Variants in AP3B1 observed in about 807,000 individuals in gnomAD.
AP3B1 encodes adaptor related protein complex 3 subunit beta 1, also known as AP-3 complex subunit beta-1.
In AP3B1, 61 loss-of-function variants were observed where a neutral mutation model predicts 132.5. The ratio of observed to expected loss-of-function variants is 0.46; its 90% CI spans 0.37 to 0.57. The LOEUF (loss-of-function observed/expected upper bound fraction) is 0.57, where lower values mean the gene tolerates loss of function less well. Among genes scored for constraint, AP3B1 ranks in the 20% least tolerant of loss-of-function variants. The pLI, the probability that AP3B1 is intolerant of heterozygous loss-of-function variation, is 0.00. For missense variants in AP3B1, 1,120 were observed against 1,289.4 expected, an observed-to-expected ratio of 0.87 and a Z score of 2.01; for synonymous variants, 388 against 438.3, an observed-to-expected ratio of 0.89 and a Z score of 1.43.
intron 2 of AP3B1, among the ~76,000 whole-genome samples, chr5:78,249,764 C>T (rs1747552660): frequency 6.6e-6 from 1 of 151,704 alleles, no homozygotes; most frequent in South Asian, 2.1e-4. Flanking sequence ...TTTGGTATTT[C>T]TGTAGAGACA....
At chr5:78,191,890 C>T (rs1203571292) in intron 7 of AP3B1, among the ~76,000 whole-genome samples, 1 of 152,000 alleles carries the variant, frequency 6.6e-6, no homozygotes, top group Admixed American at 6.6e-5. Flanking sequence ...GTATATGTTT[C>T]GCTCTTATTG....
At chr5:78,189,918 T>C (rs903902062) in intron 7 of AP3B1, among the ~76,000 whole-genome samples, 2 of 141,412 alleles carry the variant, frequency 1.4e-5, no homozygotes, top group Non-Finnish European at 3.1e-5. Context: ...TAAAATAAAA[T>C]AAAATAAAAT....
chr5:78,064,262 C>G (rs575400845), intron 22 of AP3B1, among the ~76,000 whole-genome samples: 5 of 151,748 alleles, frequency 3.3e-5, no homozygotes, highest in African/African-American at 1.2e-4. Context: ...CCTTAAGAAG[C>G]ATTACCTTAT....
intron 21 of AP3B1, among the ~76,000 whole-genome samples, chr5:78,092,450 T>C (rs1750562867): frequency 6.6e-6 from 1 of 152,150 alleles, no homozygotes; most frequent in African/African-American, 2.4e-5. Flanking sequence ...AGTATTTAAT[T>C]AGTAATGTGT....
intron 20 of AP3B1, 119 bp from the exon 21 acceptor site, chr5:78,101,144 C>T (rs1456588657): frequency 8.0e-6 from 5 of 622,444 alleles, no homozygotes; most frequent in African/African-American, 3.7e-5. Flanking sequence ...ACAAATTAAA[C>T]TTCTGTATGG....
At position 78,136,068 on chromosome 5, in the gene AP3B1, G is replaced by A. The variant is rs72776431; in HGVS notation, c.1650+5075C>T. Among the ~76,000 whole-genome samples the A allele has an allele frequency of 3.2e-3, 485 of 152,154 alleles. 1 individual carries two copies. The highest frequency in any genetic ancestry group is 5.5e-3 in the Non-Finnish European group (372 of 67,974). On this transcript the variant is annotated intron_variant, in intron 15 of 26. Transcript: ENST00000255194. ...TCAGCATCCTACTTAGAAAATCTCA[G>A]TAGGATAAACCCAAATCAGTAGTTT...
At chr5:78,178,212 G>A (rs1430131549) in intron 8 of AP3B1, among the ~76,000 whole-genome samples, 47 of 152,142 alleles carry the variant, frequency 3.1e-4, no homozygotes, top group Non-Finnish European at 1.5e-5. Context: ...GCACATTTAA[G>A]TTACAATTAA....
At position 78,015,487 on chromosome 5, in the gene AP3B1, A is replaced by T. The variant is rs746152289; in HGVS notation, c.3054T>A (p.Thr1018=). 1.2e-6 allele frequency: 2 copies of T among 1,613,734 alleles called. No homozygotes were observed. The highest frequency in any genetic ancestry group is 1.7e-6 in the Non-Finnish European group (2 of 1,179,786). Residue 1018 remains threonine (T), a synonymous_variant, in exon 26 of 27, where the codon ACT becomes ACA. Transcript: ENST00000255194. ...AVIIAAPQNF[T]PSVIFQKVVN... ...CAACCTTCTGAAAGATCACAGAGGGAGTGAAATTCTGTGGTGCAGCAATGA... is the reference window on the plus strand; with the variant it reads ...CAACCTTCTGAAAGATCACAGAGGGTGTGAAATTCTGTGGTGCAGCAATGA...
Position 78,078,038 on chromosome 5 carries a change from G to A in AP3B1, c.2577+11355C>T, listed in dbSNP as rs550969478. ...CTTAAACCATTACCCATAACCTGAT[G>A]GCTTTAGGATGTGTGTGTATGCACA... On this transcript the variant is annotated intron_variant, in intron 22 of 26. Transcript: ENST00000255194. 2.2e-4 allele frequency among the ~76,000 whole-genome samples: 34 copies of A among 152,198 alleles called. 1 individual carries two copies. Among genetic ancestry groups the A allele is most frequent in the African/African-American group, 8.2e-4 (34 of 41,512 alleles).
At chr5:78,193,532 C>T (rs572759806) in intron 7 of AP3B1, among the ~76,000 whole-genome samples, 12 of 151,488 alleles carry the variant, frequency 7.9e-5, no homozygotes, top group African/African-American at 2.7e-4. Context: ...ACTTCATATA[C>T]ACAAAAGAGA....
intron 11 of AP3B1, among the ~76,000 whole-genome samples, chr5:78,171,395 CCTT>C (rs1743909082): frequency 1.3e-5 from 2 of 152,110 alleles, no homozygotes; most frequent in Admixed American, 1.3e-4. Context: ...TTGTTTGTGT[CCTT>C]TTTTTATTTC....
At chr5:78,133,043 A>T (rs1752753697) in intron 15 of AP3B1, among the ~76,000 whole-genome samples, 1 of 152,198 alleles carries the variant, frequency 6.6e-6, no homozygotes, top group South Asian at 2.1e-4. Flanking sequence ...ACTCCTGCAC[A>T]TATTTCACCT....
At chr5:78,114,969 T>C (rs959075972) in intron 18 of AP3B1, among the ~76,000 whole-genome samples, 141 of 152,204 alleles carry the variant, frequency 9.3e-4, no homozygotes, top group African/African-American at 3.3e-3. Context: ...ACTAGTTACT[T>C]TTCAGAGCTG....
At chr5:78,160,318 T>C (rs1056398105) in intron 13 of AP3B1, among the ~76,000 whole-genome samples, 11 of 152,164 alleles carry the variant, frequency 7.2e-5, no homozygotes, top group African/African-American at 2.4e-4. Flanking sequence ...TTAGAGTAGA[T>C]GGCAATAAGG....
intron 5 of AP3B1, among the ~76,000 whole-genome samples, chr5:78,227,036 AT>A (rs1746426227): frequency 6.6e-6 from 1 of 152,020 alleles, no homozygotes; most frequent in Non-Finnish European, 1.5e-5. Flanking sequence ...GGAAAAAAAA[AT>A]CTCAATTTTC....
At chr5:78,031,346 A>C (rs1287955061) in intron 24 of AP3B1, among the ~76,000 whole-genome samples, 1 of 152,142 alleles carries the variant, frequency 6.6e-6, no homozygotes, top group Non-Finnish European at 1.5e-5. Flanking sequence ...CCACCAGCAA[A>C]CGTGACACTG....
At chr5:78,130,872 T>C (rs1752658927) in intron 15 of AP3B1, among the ~76,000 whole-genome samples, 1 of 152,016 alleles carries the variant, frequency 6.6e-6, no homozygotes, top group African/African-American at 2.4e-5. Context: ...CAATGATTTT[T>C]TTGAGCTAGC....
At chr5:78,127,190 A>C (rs1752498991) in intron 17 of AP3B1, among the ~76,000 whole-genome samples, 1 of 152,210 alleles carries the variant, frequency 6.6e-6, no homozygotes, top group South Asian at 2.1e-4. Context: ...GAGAGCAAGG[A>C]GGTTAACTCA....
At chr5:78,184,630 G>A (rs1744523490) in intron 7 of AP3B1, among the ~76,000 whole-genome samples, 1 of 150,390 alleles carries the variant, frequency 6.6e-6, no homozygotes, top group African/African-American at 2.5e-5. Context: ...AGAGATTGCA[G>A]TAAGCCGAGA....
Sources: gnomAD v4.1 joint callset for allele counts (sites outside exome capture counted in the v4.1 genomes callset) on GRCh38, gnomAD v4.1.1 for gene constraint, MANE v1.5 for transcripts, NCBI Gene and HGNC (gene_info 2026-07-23, HGNC 2026-07-21) for gene names.